Variants in L3MBTL4 observed in about 807,000 individuals in gnomAD.
L3MBTL4 encodes the protein lethal(3)malignant brain tumor-like protein 4.
L3MBTL4 carries 70 observed loss-of-function variants against 84.5 expected under a neutral mutation model. That is an observed-to-expected ratio of 0.83 (90% CI 0.68 to 1.01). L3MBTL4 has a LOEUF of 1.01. L3MBTL4 is among the 50% of genes least tolerant of loss of function. L3MBTL4 has a pLI of 0.00. For missense variants in L3MBTL4, 715 were observed against 754.8 expected (o/e 0.95, Z 0.62); for synonymous variants, 274 against 259.8 (o/e 1.05, Z -0.52).
chr18:6,141,951 T>C (rs2060209143), intron 13 of L3MBTL4, among the ~76,000 whole-genome samples: 1 of 152,232 alleles, frequency 6.6e-6, no homozygotes, highest in Non-Finnish European at 1.5e-5. Context: ...GGATTCTGCA[T>C]CCATGCTGGC....
intron 1 of L3MBTL4, chr18:6,397,920 C>G (rs1364135417): frequency 6.6e-6 from 1 of 151,810 alleles, no homozygotes; most frequent in African/African-American, 2.4e-5. Context: ...ATAGTAACCC[C>G]TCCTCTTCAC....
intron 4 of L3MBTL4, among the ~76,000 whole-genome samples, chr18:6,294,450 C>G (rs867135867): frequency 6.6e-6 from 1 of 152,132 alleles, no homozygotes; most frequent in Non-Finnish European, 1.5e-5. Context: ...GAGCAAAAAT[C>G]AAATATGCTT....
intron 16 of L3MBTL4, among the ~76,000 whole-genome samples, chr18:6,049,700 T>C (rs607950): frequency 0.011 from 1,598 of 152,106 alleles, 27 homozygotes; most frequent in African/African-American, 0.036. Context: ...CAAAAATAGA[T>C]ACTGGAAACT....
intron 12 of L3MBTL4, among the ~76,000 whole-genome samples, chr18:6,212,036 A>G (rs1365226455): frequency 1.3e-4 from 20 of 152,266 alleles, no homozygotes; most frequent in Admixed American, 1.3e-3. Context: ...TGAAAATGCC[A>G]TAAGAGTAAA....
intron 4 of L3MBTL4, among the ~76,000 whole-genome samples, chr18:6,269,806 G>C (rs1447976439): frequency 6.6e-6 from 1 of 152,188 alleles, no homozygotes; most frequent in African/African-American, 2.4e-5. Flanking sequence ...AATGAGATTC[G>C]TGAAGCAAGA....
intron 5 of L3MBTL4, among the ~76,000 whole-genome samples, chr18:6,246,613 T>G (rs935685814): frequency 1.3e-5 from 2 of 152,154 alleles, no homozygotes; most frequent in East Asian, 3.9e-4. Flanking sequence ...TTTTCAAAAA[T>G]TATTCCAGGG....
intron 4 of L3MBTL4, among the ~76,000 whole-genome samples, chr18:6,267,952 G>A (rs1351966536): frequency 1.3e-5 from 2 of 152,154 alleles, no homozygotes; most frequent in African/African-American, 2.4e-5. Flanking sequence ...TCTCACCTCT[G>A]TTTCTCACCA....
chr18:6,246,792 T>G (rs1161556410), intron 5 of L3MBTL4, among the ~76,000 whole-genome samples: 1 of 152,070 alleles, frequency 6.6e-6, no homozygotes, highest in Non-Finnish European at 1.5e-5. Flanking sequence ...TAATCCCAGC[T>G]ACTCTGGAGG....
Position 6,387,431 on chromosome 18 carries a change from A to G in L3MBTL4, c.-91+27370T>C, listed in dbSNP as rs577870730. On this transcript the variant is annotated intron_variant, in intron 1 of 18. Transcript: ENST00000317931. ...ACTAGTTCTATTTATTAAAACAAAA[A>G]TCTAGTATGAGTGAAAGGGAAAACA... Among the ~76,000 whole-genome samples the G allele has an allele frequency of 4.6e-5, 7 of 152,300 alleles. No homozygotes were observed. In the East Asian group the frequency reaches 1.2e-3, roughly 25 times the overall value.
upstream of L3MBTL4, chr18:6,415,236 C>T (rs2056145970): frequency 6.6e-6 from 1 of 152,522 alleles, no homozygotes; most frequent in African/African-American, 2.4e-5. Context: ...GGTTCACCGT[C>T]TGAAGGCTCT....
rs1248912194 is a variant in L3MBTL4, at chr18:6,414,860, G to A, written c.-150C>T. 1 of 150,224 alleles carries A rather than the reference G, an allele frequency of 6.7e-6. No individual in the cohort carries two copies. The highest frequency in any genetic ancestry group is 2.0e-4 in the East Asian group (1 of 5,094). The allele number at this position is 150,224 out of a possible 1,614,324, so 9.3% of individuals were successfully genotyped here. Reference sequence around the variant, plus strand: ...CGAGCTACAGGCGGGGGGCGAGTCGGAGCGCGAGGTTCCGCCAGCCCAGGC... The same window carrying A: ...CGAGCTACAGGCGGGGGGCGAGTCGAAGCGCGAGGTTCCGCCAGCCCAGGC... On this transcript the variant is annotated 5_prime_UTR_variant, in exon 1 of 19. Transcript: ENST00000317931. The surrounding 1 kb of genome is among the most constrained non-coding windows in gnomAD (Gnocchi z 5.4).
In L3MBTL4 at chr18:6,286,047, G is replaced by T. The variant is rs186202800; in HGVS notation, c.127+15856C>A. ...GAGTTTCACCATGTTGGCCATGCTG[G>T]TCTCAATTTCTTGACCTCGTGATCC... is the stretch of plus-strand genomic sequence containing the variant. On this transcript the variant is annotated intron_variant, in intron 4 of 18. Transcript: ENST00000317931. Among the ~76,000 whole-genome samples the T allele has an allele frequency of 5.9e-5, 9 of 151,716 alleles. No individual in the cohort carries two copies. The East Asian group carries it at 1.8e-3, about 30-fold the overall frequency.
intron 16 of L3MBTL4, among the ~76,000 whole-genome samples, chr18:5,981,444 T>C (rs1217318972): frequency 6.6e-6 from 1 of 152,166 alleles, no homozygotes; most frequent in African/African-American, 2.4e-5. Flanking sequence ...TGACACTAAC[T>C]TTTAAGAAGA....
chr18:6,389,658 C>T (rs972172620), intron 1 of L3MBTL4, among the ~76,000 whole-genome samples: 2 of 152,080 alleles, frequency 1.3e-5, no homozygotes, highest in Non-Finnish European at 2.9e-5. Context: ...GCTATCCTTA[C>T]ATCAGACAAA....
intron 10 of L3MBTL4, among the ~76,000 whole-genome samples, chr18:6,234,338 C>T: frequency 6.6e-6 from 1 of 152,136 alleles, no homozygotes; most frequent in Non-Finnish European, 1.5e-5. Flanking sequence ...AACTAAAGAG[C>T]TTCTGCACAG....
At chr18:6,232,993 T>G (rs1487102944) in intron 10 of L3MBTL4, among the ~76,000 whole-genome samples, 1 of 152,140 alleles carries the variant, frequency 6.6e-6, no homozygotes, top group Non-Finnish European at 1.5e-5. Flanking sequence ...GCTTCATCCC[T>G]GGGATGCAAG....
intron 16 of L3MBTL4, among the ~76,000 whole-genome samples, chr18:6,072,921 TATATAC>T (rs1285843959): frequency 1.1e-5 from 1 of 91,302 alleles, no homozygotes; most frequent in African/African-American, 4.7e-5. Flanking sequence ...TATATATATA[TATATAC>T]ACACATACAT....
intron 16 of L3MBTL4, among the ~76,000 whole-genome samples, chr18:6,034,647 C>T (rs1224416384): frequency 3.3e-5 from 5 of 152,148 alleles, no homozygotes; most frequent in African/African-American, 1.2e-4. Context: ...ATTTATAGTC[C>T]TTTGGGTATA....
chr18:6,171,969 G>A (rs1217787941), intron 12 of L3MBTL4, 27 bp from the exon 13 acceptor site: 1 of 1,109,266 alleles, frequency 9.0e-7, no homozygotes, highest in Admixed American at 2.2e-5. Context: ...TGAATGATTA[G>A]CATTTAGTAA....
Sources: allele counts gnomAD v4.1 joint callset (sites outside exome capture counted in the v4.1 genomes callset), GRCh38; gene constraint gnomAD v4.1.1; non-coding constraint Gnocchi (gnomAD v3.1); transcripts MANE v1.5; gene names NCBI Gene and HGNC (gene_info 2026-07-23, HGNC 2026-07-21).